EPHA8: variants seen among roughly 807,000 people sequenced by gnomAD.
EPHA8 encodes the protein ephrin type-A receptor 8.
EPHA8 carries 58 observed loss-of-function variants against 103.6 expected under a neutral mutation model. That is an observed-to-expected ratio of 0.56 (90% CI 0.45 to 0.70). The LOEUF (loss-of-function observed/expected upper bound fraction) is 0.70, where lower values mean the gene tolerates loss of function less well. Among genes scored for constraint, EPHA8 ranks in the 30% least tolerant of loss-of-function variants. EPHA8 has a pLI of 0.00. For missense variants in EPHA8, 1,304 were observed against 1,395.2 expected (o/e 0.93, Z 1.04); for synonymous variants, 559 against 572.5 (o/e 0.98, Z 0.34).
intron 3 of EPHA8, among the ~76,000 whole-genome samples, chr1:22,584,512 A>G (rs899201219): frequency 1.3e-5 from 2 of 152,224 alleles, no homozygotes; most frequent in Admixed American, 6.5e-5. Context: ...GAATTTTACA[A>G]ATGAACCTGG....
rs1226913995 is a variant in EPHA8, at chr1:22,569,130, CAAGGAGAGGGGAAGAGAGA to C, written c.95-154_95-136del. ...AGAGAAAGAACTTAAACTGGGCCTT[CAAGGAGAGGGGAAGAGAGA>C]AAGGGCATTCAGGCAGAGGGACCCG... On this transcript the variant is annotated intron_variant, in intron 1 of 16. Coordinates refer to ENST00000166244, the MANE Select transcript of EPHA8 (RefSeq NM_020526.5). The surrounding 1 kb of genome is among the most constrained non-coding windows in gnomAD (Gnocchi z 4.5). Among the ~76,000 whole-genome samples, 7 of 152,260 alleles carry C rather than the reference CAAGGAGAGGGGAAGAGAGA, an allele frequency of 4.6e-5. No homozygotes were observed. The highest frequency in any genetic ancestry group is 5.9e-5 in the Non-Finnish European group (4 of 68,028).
At chr1:22,582,221 C>T (rs56403640) in intron 3 of EPHA8, among the ~76,000 whole-genome samples, 23,742 of 152,234 alleles carry the variant, frequency 0.16, 1,906 homozygotes, top group South Asian at 0.23. Flanking sequence ...CTGATCCCTT[C>T]TGGGCAGTTC....
Position 22,601,964 on chromosome 1 carries a change from G to T in EPHA8, c.*223G>T. 1 of 585,018 alleles carries T rather than the reference G, an allele frequency of 1.7e-6. No homozygotes were observed. The highest frequency in any genetic ancestry group is 2.2e-5 in the South Asian group (1 of 45,152). The allele number at this position is 585,018 out of a possible 1,614,324, so 36.2% of individuals were successfully genotyped here. A position where few individuals can be genotyped will look rare whatever the true frequency, so the allele number is the denominator to read the frequency against. Reference sequence around the variant, plus strand: ...CCCTGGTGAGGACACCTGTCCCCCAGGGCAGGCACCTTCTCTTTTCCAGAG... The same window carrying T: ...CCCTGGTGAGGACACCTGTCCCCCATGGCAGGCACCTTCTCTTTTCCAGAG... On this transcript the variant is annotated 3_prime_UTR_variant, in exon 17 of 17. Coordinates refer to ENST00000166244, the MANE Select transcript of EPHA8 (RefSeq NM_020526.5).
At chr1:22,580,525 C>G (rs982077440) in intron 3 of EPHA8, among the ~76,000 whole-genome samples, 1 of 152,172 alleles carries the variant, frequency 6.6e-6, no homozygotes, top group Non-Finnish European at 1.5e-5. Context: ...CCCCAAAGCA[C>G]CTTCTGTGGC....
In EPHA8 at chr1:22,597,471, G is replaced by A; in HGVS notation, c.1925G>A (p.Gly642Asp). The change falls in exon 10 of 17, where the codon GGC becomes GAC. Residue 642 changes from glycine (G) to aspartate (D), a missense_variant. By Grantham distance (94) the Gly-to-Asp change is moderately conservative (BLOSUM62 -1). Coordinates refer to ENST00000166244, the MANE Select transcript of EPHA8 (RefSeq NM_020526.5). This position sits in a 1 kb window ranked among gnomAD's most constrained non-coding sequence, Gnocchi z 4.6. ...ASRIHIEKII[G>D]SGDSGEVCYG... is the part of the protein sequence containing the mutation. ...AGGATCCACATCGAGAAAATCATCG[G>A]CTCTGGTGAGTCTCAGGGGTTGTGA... is the stretch of plus-strand genomic sequence containing the variant. 1 of 1,612,764 alleles carries A rather than the reference G, an allele frequency of 6.2e-7. No individual in the cohort carries two copies. Among genetic ancestry groups the A allele is most frequent in the South Asian group, 1.1e-5 (1 of 90,996 alleles).
chr1:22,591,498 G>A (rs888578317), intron 5 of EPHA8, among the ~76,000 whole-genome samples: 3 of 151,814 alleles, frequency 2.0e-5, no homozygotes, highest in Non-Finnish European at 4.4e-5. Context: ...TGGGATTACA[G>A]GCATGAGCCA....
intron 3 of EPHA8, among the ~76,000 whole-genome samples, chr1:22,578,608 TGA>T (rs1164821231): frequency 2.0e-5 from 3 of 151,730 alleles, no homozygotes; most frequent in Admixed American, 6.6e-5. Context: ...CATGTGTGCA[TGA>T]GTGTATGTCT....
chr1:22,593,487 A>T, intron 6 of EPHA8, 37 bp downstream of exon 6: 1 of 1,609,856 alleles, frequency 6.2e-7, no homozygotes, highest in Non-Finnish European at 8.5e-7. Context: ...GGGCTGGGCC[A>T]GCAGGGCAGG....
Position 22,597,227 on chromosome 1 carries a change from C to T in EPHA8, c.1766-85C>T. On this transcript the variant is annotated intron_variant, in intron 9 of 16. Transcript: ENST00000166244. The surrounding 1 kb of genome is among the most constrained non-coding windows in gnomAD (Gnocchi z 4.6). ...ACTCCCAGAGACACCCCTCACCCCA[C>T]CCCAGACCCATCCCAGGCCCAGGGA... The T allele has an allele frequency of 8.2e-7, 1 of 1,223,230 alleles. No individual in the cohort carries two copies. The allele number at this position is 1,223,230 out of a possible 1,614,324, so 75.8% of individuals were successfully genotyped here. A position where few individuals can be genotyped will look rare whatever the true frequency, so the allele number is the denominator to read the frequency against.
At chr1:22,588,750 C>G (rs1399997021) in intron 4 of EPHA8, 121 bp from the exon 5 acceptor site, 3 of 1,486,164 alleles carry the variant, frequency 2.0e-6, no homozygotes. Flanking sequence ...TGGACCTTAT[C>G]CTTAAGGAGC....
chr1:22,578,044 T>C lies in EPHA8; in HGVS notation c.823+1164T>C, dbSNP rs977913984. Among the ~76,000 whole-genome samples, 5 of 9,236 alleles carry C rather than the reference T, an allele frequency of 5.4e-4. No homozygotes were observed. The South Asian group carries it at 9.2e-3, about 17-fold the overall frequency. The allele number at this position is 9,236 out of a possible 152,430, so 6.1% of individuals were successfully genotyped here. ...GTACATGTGTGCATGTGTATGTATG[T>C]GCATGTGTGTGCATGTGTGCATGAG... is the stretch of plus-strand genomic sequence containing the variant. On this transcript the variant is annotated intron_variant, in intron 3 of 16. Transcript: ENST00000166244.
intron 3 of EPHA8, among the ~76,000 whole-genome samples, chr1:22,581,839 G>A (rs1204607695): frequency 6.6e-6 from 1 of 152,218 alleles, no homozygotes; most frequent in Non-Finnish European, 1.5e-5. Flanking sequence ...TGAGATTTGG[G>A]AACGGAAAGC....
rs1641541676 is a variant in EPHA8 at position 22,597,220 on chromosome 1, C to T, written c.1766-92C>T. 1.8e-6 allele frequency: 2 copies of T among 1,096,626 alleles called. No individual in the cohort carries two copies. Among genetic ancestry groups the T allele is most frequent in the Admixed American group, 5.0e-5 (2 of 40,230 alleles). 67.9% of individuals were successfully genotyped at this position (1,096,626 alleles called of 1,614,324 possible). A position where few individuals can be genotyped will look rare whatever the true frequency, so the allele number is the denominator to read the frequency against. ...TCCAGAGACTCCCAGAGACACCCCT[C>T]ACCCCACCCCAGACCCATCCCAGGC... On this transcript the variant is annotated intron_variant, in intron 9 of 16. Transcript: ENST00000166244. This position sits in a 1 kb window ranked among gnomAD's most constrained non-coding sequence, Gnocchi z 4.6.
At position 22,569,675 on chromosome 1, in the gene EPHA8, C is replaced by A. The variant is rs374059091; in HGVS notation, c.159+322C>A. 1.1e-4 allele frequency among the ~76,000 whole-genome samples: 17 copies of A among 152,288 alleles called. No individual in the cohort carries two copies. In the East Asian group the frequency reaches 3.3e-3, roughly 29 times the overall value. On this transcript the variant is annotated intron_variant, in intron 2 of 16. Transcript: ENST00000166244. This position sits in a 1 kb window ranked among gnomAD's most constrained non-coding sequence, Gnocchi z 4.5. ...AAAGAAGGCCAGCCAGGCCTTCCTGCCTTCTGGGTTGCTCCCTCCCTCCCA... is the reference window on the plus strand; with the variant it reads ...AAAGAAGGCCAGCCAGGCCTTCCTGACTTCTGGGTTGCTCCCTCCCTCCCA...
In EPHA8 at chr1:22,576,474, A is replaced by G. The variant is rs1481102590; in HGVS notation, c.417A>G (p.Glu139=). The change falls in exon 3 of 17, where the codon GAA becomes GAG. Residue 139 remains glutamate (E), a synonymous_variant. Transcript: ENST00000166244. This position sits in a 1 kb window ranked among gnomAD's most constrained non-coding sequence, Gnocchi z 4.8. The stretch of plus-strand genomic sequence containing the variant: ...GCGACCTGGGGGCCAGCACACAAGA[A>G]AGCCAGTTCCTCAAAATCGACACCA... The part of the protein sequence containing the change: ...SDRDLGASTQ[E]SQFLKIDTIA... The G allele has an allele frequency of 6.2e-7, 1 of 1,613,980 alleles. No homozygotes were observed. Among genetic ancestry groups the G allele is most frequent in the African/African-American group, 1.3e-5 (1 of 74,930 alleles).
intron 5 of EPHA8, among the ~76,000 whole-genome samples, chr1:22,590,888 C>T (rs1641354278): frequency 2.0e-5 from 3 of 152,132 alleles, no homozygotes; most frequent in South Asian, 2.1e-4. Flanking sequence ...CCTGCCCCGC[C>T]CTAGGACATG....
chr1:22,577,874 G>A (rs1211488388), intron 3 of EPHA8, among the ~76,000 whole-genome samples: 1 of 115,756 alleles, frequency 8.6e-6, no homozygotes, highest in Non-Finnish European at 1.8e-5. Flanking sequence ...GCATTGTGTG[G>A]GCCTGTGTTC....
chr1:22,568,416 C>T (rs778230263), intron 1 of EPHA8, among the ~76,000 whole-genome samples: 2 of 152,172 alleles, frequency 1.3e-5, no homozygotes, highest in Non-Finnish European at 2.9e-5. Flanking sequence ...TTCTCGGGCC[C>T]GAGCATCCAG....
chr1:22,587,656 C>A (rs1169025058), intron 4 of EPHA8, among the ~76,000 whole-genome samples: 1 of 152,222 alleles, frequency 6.6e-6, no homozygotes, highest in East Asian at 1.9e-4. Flanking sequence ...CAACCCTGGG[C>A]TCTTGTGGTA....
Sources: allele counts gnomAD v4.1 joint callset (sites outside exome capture counted in the v4.1 genomes callset), GRCh38; gene constraint gnomAD v4.1.1; non-coding constraint Gnocchi (gnomAD v3.1); transcripts MANE v1.5; gene names NCBI Gene and HGNC (gene_info 2026-07-23, HGNC 2026-07-21).